Variants in RORA observed in about 807,000 individuals in gnomAD.
RORA encodes RAR related orphan receptor A.
Under a neutral mutation model 69.5 loss-of-function variants are expected in RORA, and 7 were observed. The observed-to-expected ratio is 0.10, with a 90% CI of 0.06 to 0.19. RORA has a LOEUF of 0.19. Ranked by LOEUF, RORA falls within the 10% of genes least tolerant of loss-of-function variation. The probability of loss-of-function intolerance (pLI) is 1.00; values close to 1 mark genes in which losing one functional copy is unlikely to be tolerated. For missense variants in RORA, 457 were observed against 663.0 expected (o/e 0.69, Z 3.41); for synonymous variants, 261 against 240.8 (o/e 1.08, Z -0.78).
chr15:60,765,421 T>C (rs1383842882), intron 1 of RORA: 1 of 152,122 alleles, frequency 6.6e-6, no homozygotes, highest in South Asian at 2.1e-4. Flanking sequence ...TGCCTTAGGA[T>C]ACTGACAGTC....
rs1479152006 is a variant in RORA, at chr15:61,153,866, C to T, written c.166+75187G>A. 3.9e-5 allele frequency among the ~76,000 whole-genome samples: 6 copies of T among 152,186 alleles called. No individual in the cohort carries two copies. The East Asian group carries it at 5.8e-4, about 15-fold the overall frequency. ...CATGGAGGCCCAGGCCGGAACAGGA[C>T]GCAGCCATTATCATTCATGCTAGCT... is the stretch of plus-strand genomic sequence containing the variant. On this transcript the variant is annotated intron_variant, in intron 1 of 10. Coordinates refer to ENST00000335670, the MANE Select transcript of RORA (RefSeq NM_134261.3).
At chr15:60,762,148 T>C (rs544883884) in intron 1 of RORA, among the ~76,000 whole-genome samples, 1 of 152,362 alleles carries the variant, frequency 6.6e-6, no homozygotes, top group African/African-American at 2.4e-5. Context: ...GCTGGCTTTA[T>C]GAATCTTTAT....
At chr15:60,856,625 C>A (rs1405793204) in intron 1 of RORA, among the ~76,000 whole-genome samples, 1 of 151,982 alleles carries the variant, frequency 6.6e-6, no homozygotes, top group East Asian at 1.9e-4. Flanking sequence ...TTACATCATG[C>A]TTGAATCAAG....
chr15:60,839,007 G>A (rs2073160247), intron 1 of RORA, among the ~76,000 whole-genome samples: 1 of 151,716 alleles, frequency 6.6e-6, no homozygotes, highest in Admixed American at 6.6e-5. Flanking sequence ...TCCTGCCTCA[G>A]CCTCCTGAAT....
intron 1 of RORA, among the ~76,000 whole-genome samples, chr15:60,871,877 C>T (rs534587257): frequency 6.6e-6 from 1 of 152,152 alleles, no homozygotes; most frequent in Non-Finnish European, 1.5e-5. Context: ...AGTAATGTGC[C>T]AATGTTAACT....
Position 60,639,529 on chromosome 15 carries a change from C to G in RORA, c.196+39128G>C, listed in dbSNP as rs111409967. ...CTGTGAGATGGGGAAAATTTCCTTC[C>G]GCTCAGATACTGTCAAGGCCAATGT... On this transcript the variant is annotated intron_variant, in intron 2 of 10. Coordinates refer to ENST00000335670, the MANE Select transcript of RORA (RefSeq NM_134261.3). 7.2e-3 allele frequency among the ~76,000 whole-genome samples: 1,101 copies of G among 152,226 alleles called. 5 individuals carry two copies. Among genetic ancestry groups the G allele is most frequent in the African/African-American group, 0.022 (909 of 41,524 alleles).
At chr15:61,184,214 C>T (rs2079716816) in intron 1 of RORA, among the ~76,000 whole-genome samples, 2 of 152,228 alleles carry the variant, frequency 1.3e-5, no homozygotes, top group Admixed American at 1.3e-4. Context: ...AACCATGTGT[C>T]TATCCCTTCA....
chr15:61,157,700 A>G (rs911316247), intron 1 of RORA, among the ~76,000 whole-genome samples: 7 of 152,186 alleles, frequency 4.6e-5, no homozygotes, highest in African/African-American at 1.7e-4. Flanking sequence ...CCATTAGTGT[A>G]TATGTTTTAA....
chr15:60,725,535 T>C (rs1484302279), intron 1 of RORA, among the ~76,000 whole-genome samples: 1 of 152,202 alleles, frequency 6.6e-6, no homozygotes, highest in Non-Finnish European at 1.5e-5. Flanking sequence ...AAATGGGGTG[T>C]CCACCCCCTC....
intron 3 of RORA, chr15:60,529,388 G>GTGTT (rs2066463482): frequency 1.3e-5 from 2 of 152,168 alleles, no homozygotes; most frequent in African/African-American, 4.8e-5. Context: ...AGGAATAAAA[G>GTGTT]TGTTAGTTAT....
At chr15:60,592,654 G>T (rs1419494884) in intron 2 of RORA, 1 of 859,772 alleles carries the variant, frequency 1.2e-6, no homozygotes, top group Admixed American at 5.7e-5. Flanking sequence ...GGCGGGAGGC[G>T]GGAGGCAGGC....
intron 2 of RORA, among the ~76,000 whole-genome samples, chr15:60,597,593 TACAC>T (rs1243515206): frequency 0.15 from 3,643 of 24,574 alleles, 542 homozygotes; most frequent in East Asian, 0.22. Context: ...TATATATATA[TACAC>T]ATATATATAT....
In RORA at chr15:61,211,281, C is replaced by G. The variant is rs1289506254; in HGVS notation, c.166+17772G>C. On this transcript the variant is annotated intron_variant, in intron 1 of 10. Transcript: ENST00000335670. ...GTTAAAAAGACAGAGAAGAAAACAACAGCAAAAAAAAAAAAAAAAAAAGGA... is the reference window on the plus strand; with the variant it reads ...GTTAAAAAGACAGAGAAGAAAACAAGAGCAAAAAAAAAAAAAAAAAAAGGA... Among the ~76,000 whole-genome samples the G allele has an allele frequency of 3.6e-5, 3 of 84,428 alleles. No individual in the cohort carries two copies. The South Asian group carries it at 1.7e-3, about 47-fold the overall frequency. The allele number at this position is 84,428 out of a possible 152,430, so 55.4% of individuals were successfully genotyped here. A position where few individuals can be genotyped will look rare whatever the true frequency, so the allele number is the denominator to read the frequency against.
intron 1 of RORA, among the ~76,000 whole-genome samples, chr15:61,219,056 C>A: frequency 6.6e-6 from 1 of 152,198 alleles, no homozygotes; most frequent in East Asian, 1.9e-4. Context: ...TCCACTAAAT[C>A]AGAGCATGAG....
Position 60,985,582 on chromosome 15 carries a change from C to CTTTTTTTTT in RORA, c.166+243462_166+243470dup, listed in dbSNP as rs11451387. 1.3e-3 allele frequency among the ~76,000 whole-genome samples: 131 copies of CTTTTTTTTT among 100,826 alleles called. 4 individuals carry two copies. The highest frequency in any genetic ancestry group is 8.8e-3 in the Middle Eastern group (1 of 114). 66.1% of individuals were successfully genotyped at this position (100,826 alleles called of 152,430 possible). A position where few individuals can be genotyped will look rare whatever the true frequency, so the allele number is the denominator to read the frequency against. ...TTGTGCTAGGTAAGAAACTCATCCT[C>CTTTTTTTTT]TTTTTTTTTTTTTTTTTTTTTGAGA... On this transcript the variant is annotated intron_variant, in intron 1 of 10. Transcript: ENST00000335670.
chr15:60,560,340 C>A (rs1256276010), intron 2 of RORA, among the ~76,000 whole-genome samples: 2 of 151,672 alleles, frequency 1.3e-5, no homozygotes, highest in African/African-American at 4.8e-5. Context: ...CTAGTTACAC[C>A]CTTACTATTT....
intron 1 of RORA, among the ~76,000 whole-genome samples, chr15:61,138,938 G>A (rs563726614): frequency 6.6e-6 from 1 of 152,254 alleles, no homozygotes; most frequent in South Asian, 2.1e-4. Flanking sequence ...GAGGTCAGGA[G>A]ATCGAGACCA....
Position 61,229,126 on chromosome 15 carries a change from C to T in RORA, c.93G>A (p.Leu31=), listed in dbSNP as rs1346443111. Residue 31 remains leucine, a synonymous_variant, in exon 1 of 11, where the codon CTG becomes CTA. Coordinates refer to ENST00000335670, the MANE Select transcript of RORA (RefSeq NM_134261.3). ...DAAAGSRETP[L]NQESARKSEP... is the part of the protein sequence containing the mutation. ...CGCTCTTGCGGGCGGATTCCTGGTTCAGCGGGGTCTCCCTGGAGCCGGCGG... is the reference window on the plus strand; with the variant it reads ...CGCTCTTGCGGGCGGATTCCTGGTTTAGCGGGGTCTCCCTGGAGCCGGCGG... The T allele has an allele frequency of 3.9e-6, 6 of 1,542,188 alleles. No homozygotes were observed. The highest frequency in any genetic ancestry group is 8.7e-7 in the Non-Finnish European group (1 of 1,144,630).
chr15:61,216,490 G>A (rs1338620092), intron 1 of RORA, among the ~76,000 whole-genome samples: 5 of 16,888 alleles, frequency 3.0e-4, no homozygotes, highest in East Asian at 1.6e-3. Context: ...AAGCTTCTCC[G>A]ATGTGATTTT....
Sources: allele counts gnomAD v4.1 joint callset (sites outside exome capture counted in the v4.1 genomes callset), GRCh38; gene constraint gnomAD v4.1.1; transcripts MANE v1.5; gene names NCBI Gene and HGNC (gene_info 2026-07-23, HGNC 2026-07-21).